PRMT3: variants seen among roughly 807,000 people sequenced by gnomAD.
PRMT3 encodes protein arginine methyltransferase 3.
PRMT3 carries 62 observed loss-of-function variants against 71.9 expected under a neutral mutation model. The observed-to-expected ratio is 0.86, with a 90% CI of 0.70 to 1.07. The LOEUF (loss-of-function observed/expected upper bound fraction) is 1.07. PRMT3 is among the 50% of genes least tolerant of loss of function. The pLI is 0.00. For missense variants in PRMT3, 663 were observed against 643.0 expected, an observed-to-expected ratio of 1.03 and a Z score of -0.34; for synonymous variants, 213 against 220.4, an observed-to-expected ratio of 0.97 and a Z score of 0.30.
At chr11:20,483,730 G>A (rs1047668266) in intron 13 of PRMT3, among the ~76,000 whole-genome samples, 1 of 152,184 alleles carries the variant, frequency 6.6e-6, no homozygotes, top group Non-Finnish European at 1.5e-5. Context: ...GAATTGTAAT[G>A]TAGTGCTCTA....
rs1332372470 is a variant in PRMT3, at chr11:20,504,707, T to TGTGAGAGAGA, written c.1487-3596_1487-3595insTGAGAGAGAG. On this transcript the variant is annotated intron_variant, in intron 15 of 15. Coordinates refer to ENST00000331079, the MANE Select transcript of PRMT3 (RefSeq NM_005788.4). The stretch of plus-strand genomic sequence containing the variant: ...TATTGTATGTGTGTGTGTGTGTGTG[T>TGTGAGAGAGA]GAGAGAGAGAGAGAGAGAGAGAGAG... Among the ~76,000 whole-genome samples the TGTGAGAGAGA allele has an allele frequency of 1.2e-3, 156 of 133,634 alleles. 1 individual carries two copies. The highest frequency in any genetic ancestry group is 3.8e-3 in the Middle Eastern group (1 of 260). 87.7% of individuals were successfully genotyped at this position (133,634 alleles called of 152,430 possible).
At chr11:20,506,496 C>A (rs1431196925) in intron 15 of PRMT3, among the ~76,000 whole-genome samples, 1 of 151,630 alleles carries the variant, frequency 6.6e-6, no homozygotes, top group Non-Finnish European at 1.5e-5. Context: ...GTGAGTCTCA[C>A]CTTTTTTGCA....
intron 11 of PRMT3, among the ~76,000 whole-genome samples, chr11:20,458,881 G>A (rs1376677366): frequency 6.6e-6 from 1 of 151,976 alleles, no homozygotes; most frequent in African/African-American, 2.4e-5. Flanking sequence ...TTTCAAAATT[G>A]TTTTATTACT....
chr11:20,490,503 G>A (rs1187730834), intron 13 of PRMT3, among the ~76,000 whole-genome samples: 1 of 151,468 alleles, frequency 6.6e-6, no homozygotes. Context: ...GTGGCTGGAC[G>A]TGGTGGCTCA....
chr11:20,426,728 C>A, intron 9 of PRMT3, 38 bp from the exon 10 acceptor site: 2 of 1,387,556 alleles, frequency 1.4e-6, no homozygotes, highest in East Asian at 2.9e-5. Context: ...CTTTCAGAAT[C>A]TGTTTAACCT....
intron 15 of PRMT3, among the ~76,000 whole-genome samples, chr11:20,498,558 A>G (rs1851386021): frequency 6.6e-6 from 1 of 152,056 alleles, no homozygotes; most frequent in Non-Finnish European, 1.5e-5. Flanking sequence ...GCGAAATCCC[A>G]TCTCTACTCA....
intron 9 of PRMT3, among the ~76,000 whole-genome samples, chr11:20,416,375 G>T (rs1849305226): frequency 6.6e-6 from 1 of 152,078 alleles, no homozygotes; most frequent in African/African-American, 2.4e-5. Context: ...AAAAGCCTTA[G>T]GTCACAGAGA....
At chr11:20,475,511 C>T (rs1034370858) in intron 13 of PRMT3, among the ~76,000 whole-genome samples, 8 of 152,140 alleles carry the variant, frequency 5.3e-5, no homozygotes, top group Non-Finnish European at 1.2e-4. Context: ...TATGTGACCA[C>T]CATTGTATAT....
At chr11:20,486,270 A>T (rs1851068864) in intron 13 of PRMT3, among the ~76,000 whole-genome samples, 1 of 152,190 alleles carries the variant, frequency 6.6e-6, no homozygotes, top group African/African-American at 2.4e-5. Context: ...TATACTAAAG[A>T]ATGTTGAATT....
At chr11:20,456,002 C>T (rs1850259854) in intron 11 of PRMT3, among the ~76,000 whole-genome samples, 1 of 152,044 alleles carries the variant, frequency 6.6e-6, no homozygotes. Context: ...TAAGTAAGAA[C>T]TTTAATTCAG....
chr11:20,440,640 A>G (rs940426794), intron 10 of PRMT3, among the ~76,000 whole-genome samples: 1 of 152,066 alleles, frequency 6.6e-6, no homozygotes, highest in Non-Finnish European at 1.5e-5. Context: ...GAATAAATTG[A>G]TATGCTTTTA....
rs928112120 is a variant in PRMT3 at position 20,387,873 on chromosome 11, T to A, written c.28+99T>A. The A allele has an allele frequency of 6.5e-7, 1 of 1,531,808 alleles. No individual in the cohort carries two copies. The highest frequency in any genetic ancestry group is 8.8e-7 in the Non-Finnish European group (1 of 1,138,222). The allele number at this position is 1,531,808 out of a possible 1,614,324, so 94.9% of individuals were successfully genotyped here. ...CTCCGGGACACGGGCCCGGGCAGGG[T>A]GGGGGGCTCGCAGGGATCATGAAGG... On this transcript the variant is annotated intron_variant, in intron 1 of 15. Transcript: ENST00000331079. The surrounding 1 kb of genome is among the most constrained non-coding windows in gnomAD (Gnocchi z 4.3).
intron 11 of PRMT3, among the ~76,000 whole-genome samples, chr11:20,454,461 A>G (rs967718873): frequency 5.9e-5 from 9 of 152,184 alleles, no homozygotes; most frequent in African/African-American, 1.2e-4. Context: ...CTCTTTCTAT[A>G]CTTTTATATA....
At chr11:20,455,754 C>T (rs1850254253) in intron 11 of PRMT3, among the ~76,000 whole-genome samples, 1 of 151,450 alleles carries the variant, frequency 6.6e-6, no homozygotes, top group African/African-American at 2.4e-5. Flanking sequence ...TTGAGAGATG[C>T]GTTGAAGAGA....
At chr11:20,494,327 C>T (rs1325414101) in intron 15 of PRMT3, 73 bp downstream of exon 15, 7 of 1,242,788 alleles carry the variant, frequency 5.6e-6, no homozygotes, top group Non-Finnish European at 8.2e-6. Flanking sequence ...TTTACAGCCA[C>T]TTTTTATGTG....
intron 10 of PRMT3, among the ~76,000 whole-genome samples, chr11:20,447,727 G>T (rs191032358): frequency 1.3e-5 from 2 of 152,048 alleles, no homozygotes; most frequent in Non-Finnish European, 2.9e-5. Flanking sequence ...CTCTAAACAC[G>T]TAAAGCCACC....
chr11:20,461,815 C>G (rs769816321), intron 11 of PRMT3, among the ~76,000 whole-genome samples, 165 bp from the exon 12 acceptor site: 1 of 152,120 alleles, frequency 6.6e-6, no homozygotes, highest in Non-Finnish European at 1.5e-5. Context: ...TTAAAAGAGG[C>G]TACAAGATGA....
At chr11:20,474,878 T>A (rs530726507) in intron 13 of PRMT3, among the ~76,000 whole-genome samples, 1 of 152,376 alleles carries the variant, frequency 6.6e-6, no homozygotes, top group Admixed American at 6.5e-5. Context: ...ATGTCTTGTT[T>A]CCATTGGCTG....
chr11:20,432,146 A>G (rs1014241971), intron 10 of PRMT3, among the ~76,000 whole-genome samples: 1 of 152,096 alleles, frequency 6.6e-6, no homozygotes, highest in African/African-American at 2.4e-5. Flanking sequence ...ATAAGTGACA[A>G]AGTATTCTAA....
Sources: allele counts gnomAD v4.1 joint callset (sites outside exome capture counted in the v4.1 genomes callset), GRCh38; gene constraint gnomAD v4.1.1; non-coding constraint Gnocchi (gnomAD v3.1); transcripts MANE v1.5; gene names NCBI Gene and HGNC (gene_info 2026-07-23, HGNC 2026-07-21).